PCDH15: variants seen among roughly 807,000 people sequenced by gnomAD.
PCDH15 encodes the protein protocadherin related 15, also known as protocadherin-15.
In PCDH15, 129 loss-of-function variants were observed where a neutral mutation model predicts 178.5. The ratio of observed to expected loss-of-function variants is 0.72; its 90% CI spans 0.63 to 0.84. The LOEUF (loss-of-function observed/expected upper bound fraction) is 0.84. Ranked by LOEUF, PCDH15 falls within the 40% of genes least tolerant of loss-of-function variation. The probability of loss-of-function intolerance (pLI) is 0.00; values close to 1 mark genes in which losing one functional copy is unlikely to be tolerated. For missense variants in PCDH15, 2,230 were observed against 2,099.9 expected, an observed-to-expected ratio of 1.06 and a Z score of -1.21; for synonymous variants, 800 against 732.0, an observed-to-expected ratio of 1.09 and a Z score of -1.50.
intron 3 of PCDH15, among the ~76,000 whole-genome samples, chr10:54,829,817 G>A (rs987108541): frequency 2.6e-5 from 4 of 152,056 alleles, no homozygotes; most frequent in African/African-American, 4.8e-5. Flanking sequence ...AGCATGAAAT[G>A]TGATTCTAAA....
At chr10:53,844,758 C>T (rs2077867181) in intron 28 of PCDH15, among the ~76,000 whole-genome samples, 2 of 151,918 alleles carry the variant, frequency 1.3e-5, no homozygotes, top group South Asian at 2.1e-4. Context: ...AAACATAAGA[C>T]ATAAAACTGT....
chr10:55,112,873 C>A (rs1423636043), intron 2 of PCDH15, among the ~76,000 whole-genome samples: 1 of 152,032 alleles, frequency 6.6e-6, no homozygotes, highest in African/African-American at 2.4e-5. Context: ...ATAAAAAGAC[C>A]CAAAATATAC....
intron 2 of PCDH15, among the ~76,000 whole-genome samples, chr10:55,507,914 A>T (rs1840797362): frequency 6.6e-6 from 1 of 151,768 alleles, no homozygotes; most frequent in East Asian, 1.9e-4. Flanking sequence ...ACATGTAATC[A>T]TTGTGCCACT....
At chr10:54,550,712 TATC>T (rs1175748060) in intron 2 of PCDH15, among the ~76,000 whole-genome samples, 3 of 152,194 alleles carry the variant, frequency 2.0e-5, no homozygotes, top group African/African-American at 7.2e-5. Context: ...CTTCAGGAAA[TATC>T]AGCCTTTTAT....
chr10:54,287,622 T>C (rs534891045), intron 8 of PCDH15, among the ~76,000 whole-genome samples: 1 of 152,306 alleles, frequency 6.6e-6, no homozygotes, highest in Non-Finnish European at 1.5e-5. Context: ...TTTTTTTCGT[T>C]CTAAGGCTCT....
At chr10:54,375,120 C>G (rs923216263) in intron 4 of PCDH15, among the ~76,000 whole-genome samples, 2 of 152,094 alleles carry the variant, frequency 1.3e-5, no homozygotes, top group African/African-American at 4.8e-5. Flanking sequence ...CCATGTGGCC[C>G]TACTCCTTGC....
At chr10:55,444,826 C>A (rs1211055063) in intron 2 of PCDH15, among the ~76,000 whole-genome samples, 2 of 152,100 alleles carry the variant, frequency 1.3e-5, no homozygotes, top group Non-Finnish European at 2.9e-5. Context: ...ATTGTTGAAT[C>A]ATAAATTAGC....
intron 3 of PCDH15, among the ~76,000 whole-genome samples, chr10:54,876,414 A>G (rs1434562413): frequency 2.0e-5 from 3 of 152,160 alleles, no homozygotes; most frequent in Non-Finnish European, 4.4e-5. Context: ...ATTACTAAAA[A>G]ATACATTTTA....
intron 2 of PCDH15, among the ~76,000 whole-genome samples, chr10:54,566,151 T>C (rs886443018): frequency 2.6e-5 from 4 of 152,150 alleles, no homozygotes; most frequent in African/African-American, 9.7e-5. Context: ...CTATTCAATT[T>C]GTGGTATAAT....
intron 2 of PCDH15, among the ~76,000 whole-genome samples, chr10:54,583,371 A>AT (rs922376818): frequency 3.5e-4 from 53 of 151,558 alleles, no homozygotes; most frequent in African/African-American, 9.2e-4. Flanking sequence ...ATTTTCCTCC[A>AT]TTTTATTTTA....
intron 1 of PCDH15, among the ~76,000 whole-genome samples, chr10:54,714,894 A>G (rs2095462364): frequency 6.6e-6 from 1 of 152,170 alleles, no homozygotes; most frequent in African/African-American, 2.4e-5. Flanking sequence ...AATATATTCA[A>G]GTGTGAAAAA....
At chr10:55,589,144 G>C (rs1201620158) in intron 2 of PCDH15, among the ~76,000 whole-genome samples, 1 of 150,968 alleles carries the variant, frequency 6.6e-6, no homozygotes, top group Non-Finnish European at 1.5e-5. Context: ...CCTATGTCCT[G>C]AATGGTAATG....
intron 36 of PCDH15, among the ~76,000 whole-genome samples, chr10:53,811,140 C>T (rs1409456431): frequency 6.6e-6 from 1 of 152,124 alleles, no homozygotes; most frequent in Non-Finnish European, 1.5e-5. Flanking sequence ...ACTTTTGAGA[C>T]ACTTATCAGT....
intron 2 of PCDH15, among the ~76,000 whole-genome samples, chr10:55,559,771 G>A (rs1028215786): frequency 2.0e-5 from 3 of 151,828 alleles, no homozygotes; most frequent in Non-Finnish European, 2.9e-5. Context: ...AGATGTGAAA[G>A]TGTGCATCTC....
intron 8 of PCDH15, among the ~76,000 whole-genome samples, chr10:54,254,491 A>G (rs753627339): frequency 1.3e-5 from 2 of 152,130 alleles, no homozygotes; most frequent in Non-Finnish European, 2.9e-5. Flanking sequence ...CAGAGCATGT[A>G]TAATAACCAC....
At chr10:55,257,407 A>C (rs1842027293) in intron 1 of PCDH15, among the ~76,000 whole-genome samples, 1 of 152,176 alleles carries the variant, frequency 6.6e-6, no homozygotes, top group Non-Finnish European at 1.5e-5. Context: ...AGAAGGCTTC[A>C]GACGATCAAA....
chr10:53,915,474 G>T (rs908606195), intron 25 of PCDH15, among the ~76,000 whole-genome samples: 1 of 152,164 alleles, frequency 6.6e-6, no homozygotes, highest in Admixed American at 6.5e-5. Flanking sequence ...GTATCTAGAA[G>T]AAATATTTTG....
At chr10:53,972,118 C>T (rs527582202) in intron 21 of PCDH15, among the ~76,000 whole-genome samples, 1 of 152,134 alleles carries the variant, frequency 6.6e-6, no homozygotes, top group East Asian at 1.9e-4. Flanking sequence ...GAACAGAGCC[C>T]TCAGAAATAA....
chr10:54,376,525 A>G (rs1255294137), intron 4 of PCDH15, among the ~76,000 whole-genome samples: 1 of 151,202 alleles, frequency 6.6e-6, no homozygotes, highest in Non-Finnish European at 1.5e-5. Context: ...AAAAGTGTGC[A>G]CTCACTTTTT....
Sources: allele counts gnomAD v4.1 joint callset (sites outside exome capture counted in the v4.1 genomes callset), GRCh38; gene constraint gnomAD v4.1.1; transcripts MANE v1.5; gene names NCBI Gene and HGNC (gene_info 2026-07-23, HGNC 2026-07-21).